TLN2: variants seen among roughly 807,000 people sequenced by gnomAD.
TLN2 encodes talin 2.
TLN2 carries 118 observed loss-of-function variants against 294.7 expected under a neutral mutation model. The observed-to-expected ratio is 0.40, with a 90% confidence interval of 0.34 to 0.47. The LOEUF (loss-of-function observed/expected upper bound fraction) is 0.47, where lower values mean the gene tolerates loss of function less well. Ranked by LOEUF, TLN2 falls within the 20% of genes least tolerant of loss-of-function variation. The probability of loss-of-function intolerance (pLI) is 0.84; values close to 1 mark genes in which losing one functional copy is unlikely to be tolerated. For synonymous variants in TLN2, 1,431 were observed against 1,304.5 expected (o/e 1.10, Z -2.09); for missense variants, 3,083 against 3,282.2 (o/e 0.94, Z 1.48).
Position 62,783,867 on chromosome 15 carries a change from G to A in TLN2, c.5713G>A (p.Ala1905Thr). The A allele has an allele frequency of 6.2e-7, 1 of 1,614,096 alleles. No individual in the cohort carries two copies. Among genetic ancestry groups the A allele is most frequent in the Non-Finnish European group, 8.5e-7 (1 of 1,179,978 alleles). ...CCTGGCTTTCCAGGGCCAGATGGCA[G>A]CAGCCACGGCGGAACCAGAGGAGGT... is the stretch of plus-strand genomic sequence containing the variant. ...GHLAFQGQMA[A>T]ATAEPEEIGF... is the part of the protein sequence containing the mutation. Residue 1905 changes from alanine to threonine, a missense_variant, in exon 45 of 59, where the codon GCA becomes ACA. Ala to Thr is a moderately conservative substitution (Grantham distance 58). Coordinates refer to ENST00000636159, the MANE Select transcript of TLN2 (RefSeq NM_015059.3).
At chr15:62,702,401 T>C (rs550589427) in intron 18 of TLN2, among the ~76,000 whole-genome samples, 2 of 152,138 alleles carry the variant, frequency 1.3e-5, no homozygotes, top group South Asian at 4.2e-4. Context: ...TATAAAGGCC[T>C]CCCCCTCAAG....
chr15:62,827,891 GATGA>G (rs1344116814), intron 54 of TLN2: 1 of 152,202 alleles, frequency 6.6e-6, no homozygotes, highest in Non-Finnish European at 1.5e-5. Flanking sequence ...AGGCTTAGAA[GATGA>G]ATGAATTAGT....
chr15:62,563,216 T>G (rs964015498), intron 1 of TLN2, among the ~76,000 whole-genome samples: 9 of 152,166 alleles, frequency 5.9e-5, no homozygotes, highest in Non-Finnish European at 1.2e-4. Context: ...CCACCAGCAG[T>G]GTAGAAGTGC....
At chr15:62,420,854 A>C (rs929864099) in intron 1 of TLN2, among the ~76,000 whole-genome samples, 2 of 152,174 alleles carry the variant, frequency 1.3e-5, no homozygotes, top group Non-Finnish European at 1.5e-5. Context: ...GAACTCCTCA[A>C]ATCTCTGTGA....
chr15:62,513,974 C>T (rs937724375), intron 1 of TLN2, among the ~76,000 whole-genome samples: 3 of 152,218 alleles, frequency 2.0e-5, no homozygotes, highest in African/African-American at 7.2e-5. Flanking sequence ...AACCCCTCCG[C>T]CCTCTACTAA....
intron 11 of TLN2, among the ~76,000 whole-genome samples, chr15:62,676,126 C>A (rs2056161503): frequency 6.6e-6 from 1 of 152,118 alleles, no homozygotes; most frequent in Non-Finnish European, 1.5e-5. Context: ...GTAGGAAGGA[C>A]AAAACTGACC....
At chr15:62,478,891 C>T (rs1453332649) in intron 1 of TLN2, among the ~76,000 whole-genome samples, 1 of 152,216 alleles carries the variant, frequency 6.6e-6, no homozygotes, top group African/African-American at 2.4e-5. Context: ...TGGGCCAAGC[C>T]ACCCACCAAA....
At chr15:62,672,282 A>G (rs1316751338) in intron 9 of TLN2, among the ~76,000 whole-genome samples, 1 of 152,182 alleles carries the variant, frequency 6.6e-6, no homozygotes, top group Non-Finnish European at 1.5e-5. Context: ...AGTTTTCAGT[A>G]TGAGTTGGGA....
chr15:62,562,945 C>G (rs1418205049), intron 1 of TLN2, among the ~76,000 whole-genome samples: 13 of 149,928 alleles, frequency 8.7e-5, no homozygotes, highest in African/African-American at 2.9e-4. Flanking sequence ...CACACACACA[C>G]ACACACACAC....
chr15:62,741,342 T>C (rs1311762047), intron 32 of TLN2, among the ~76,000 whole-genome samples: 2 of 152,192 alleles, frequency 1.3e-5, no homozygotes, highest in South Asian at 2.1e-4. Context: ...TTTTGGATGA[T>C]TTGGGTGTCC....
At position 62,763,580 on chromosome 15, in the gene TLN2, A is replaced by G. The variant is rs1234235238; in HGVS notation, c.4979A>G (p.Gln1660Arg). ...CCTTCCAGGGACAAGGCCCCTGGAC[A>G]GAGGGAGTGTGATTACTCCATCGAT... is the stretch of plus-strand genomic sequence containing the variant. ...ITSIRDKAPG[Q>R]RECDYSIDGI... The change falls in exon 40 of 59, where the codon CAG becomes CGG. Residue 1660 changes from glutamine (Q) to arginine (R), a missense_variant. Transcript: ENST00000636159. The G allele has an allele frequency of 1.9e-6, 3 of 1,612,820 alleles. No homozygotes were observed.
At chr15:62,838,648 C>T (rs1007680729) in intron 57 of TLN2, among the ~76,000 whole-genome samples, 1 of 150,324 alleles carries the variant, frequency 6.7e-6, no homozygotes, top group East Asian at 1.9e-4. Context: ...TTGTCTCATT[C>T]ATCTGTGAGT....
chr15:62,502,747 G>T (rs1217301537), intron 1 of TLN2, among the ~76,000 whole-genome samples: 1 of 152,200 alleles, frequency 6.6e-6, no homozygotes, highest in Non-Finnish European at 1.5e-5. Flanking sequence ...ACACAGGCAG[G>T]TTATGAGAAC....
At chr15:62,599,574 A>G (rs947002236) in intron 2 of TLN2, among the ~76,000 whole-genome samples, 3 of 152,202 alleles carry the variant, frequency 2.0e-5, no homozygotes, top group African/African-American at 7.2e-5. Flanking sequence ...GCAGACCCCA[A>G]CCGTTCATCA....
chr15:62,575,607 C>CACA (rs2044319971), intron 1 of TLN2, among the ~76,000 whole-genome samples: 1 of 148,666 alleles, frequency 6.7e-6, no homozygotes, highest in South Asian at 2.1e-4. Context: ...ACTTAAAAAA[C>CACA]ACACACACAC....
In TLN2 at chr15:62,840,677, A is replaced by G; in HGVS notation, c.*67A>G. ...CTGAACTGGACAGACAGTGTTCCTG[A>G]GAGGCTGGGCACTTAGCTGGAAACC... is the stretch of plus-strand genomic sequence containing the variant. On this transcript the variant is annotated 3_prime_UTR_variant, in exon 59 of 59. Coordinates refer to ENST00000636159, the MANE Select transcript of TLN2 (RefSeq NM_015059.3). The G allele has an allele frequency of 6.4e-7, 1 of 1,558,812 alleles. No individual in the cohort carries two copies. Among genetic ancestry groups the G allele is most frequent in the Non-Finnish European group, 8.7e-7 (1 of 1,153,662 alleles).
chr15:62,430,501 G>A (rs1354267001), intron 1 of TLN2, among the ~76,000 whole-genome samples: 2 of 152,174 alleles, frequency 1.3e-5, no homozygotes, highest in African/African-American at 4.8e-5. Context: ...TTATTTGCGA[G>A]GTAGCAATTT....
In TLN2 at chr15:62,762,361, C is replaced by T. The variant is rs147498967; in HGVS notation, c.4869C>T (p.Ala1623=). The T allele has an allele frequency of 1.2e-4, 193 of 1,614,200 alleles. 1 individual carries two copies. The African/African-American group carries it at 2.2e-3, about 19-fold the overall frequency. Residue 1623 remains alanine (A), a synonymous_variant, in exon 39 of 59, where the codon GCC becomes GCT. Coordinates refer to ENST00000636159, the MANE Select transcript of TLN2 (RefSeq NM_015059.3). The part of the protein sequence containing the change: ...SYLIRTARSL[A]INPKDPPTWS... ...TCATTCGCACTGCACGCTCTCTGGC[C>T]ATCAACCCCAAAGACCCACCCACCT...
At chr15:62,412,606 A>T (rs2033837596) in intron 1 of TLN2, among the ~76,000 whole-genome samples, 1 of 152,178 alleles carries the variant, frequency 6.6e-6, no homozygotes, top group Non-Finnish European at 1.5e-5. Context: ...CTTACATTCA[A>T]ATGTAAGAGT....
Sources: gnomAD v4.1 joint callset for allele counts (sites outside exome capture counted in the v4.1 genomes callset) on GRCh38, gnomAD v4.1.1 for gene constraint, MANE v1.5 for transcripts, NCBI Gene and HGNC (gene_info 2026-07-23, HGNC 2026-07-21) for gene names.